Variants in LRRC49 observed in about 807,000 individuals in gnomAD.
LRRC49 encodes the protein leucine rich repeat containing 49.
LRRC49 carries 50 observed loss-of-function variants against 83.3 expected under a neutral mutation model. The ratio of observed to expected loss-of-function variants is 0.60; its 90% CI spans 0.48 to 0.76. The LOEUF (loss-of-function observed/expected upper bound fraction) is 0.76. LRRC49 is among the 30% of genes least tolerant of loss of function. The pLI, the probability that LRRC49 is intolerant of heterozygous loss-of-function variation, is 0.00. For synonymous variants in LRRC49, 286 were observed against 283.3 expected (o/e 1.01, Z -0.10); for missense variants, 704 against 809.1 (o/e 0.87, Z 1.58).
chr15:70,882,748 A>C (rs2033296951), intron 2 of LRRC49: 2 of 1,613,994 alleles, frequency 1.2e-6, no homozygotes, highest in South Asian at 2.2e-5. Flanking sequence ...TCCATTGAAG[A>C]GTCAAAACAT....
chr15:70,900,180 G>A (rs780982297), intron 3 of LRRC49: 49 of 218,040 alleles, frequency 2.2e-4, no homozygotes, highest in Non-Finnish European at 4.2e-4. Context: ...AATTTCATAT[G>A]TGTATTTATT....
chr15:70,891,257 G>A (rs2033552901), upstream of LRRC49, among the ~76,000 whole-genome samples: 1 of 152,290 alleles, frequency 6.6e-6, no homozygotes, highest in South Asian at 2.1e-4. Flanking sequence ...GCAGAAGAGA[G>A]CAAGATGGGG....
At chr15:71,034,577 A>G (rs1258338356) in intron 14 of LRRC49, among the ~76,000 whole-genome samples, 1 of 152,218 alleles carries the variant, frequency 6.6e-6, no homozygotes, top group African/African-American at 2.4e-5. Flanking sequence ...TAACATGTAC[A>G]TGTATGTTTA....
intron 7 of LRRC49, among the ~76,000 whole-genome samples, chr15:70,933,106 C>T (rs1196828603): frequency 1.3e-5 from 2 of 152,100 alleles, no homozygotes; most frequent in African/African-American, 2.4e-5. Flanking sequence ...TCTCAGAAAA[C>T]AAATCAGTAT....
chr15:71,021,440 T>A (rs1040902204), intron 14 of LRRC49, among the ~76,000 whole-genome samples: 1 of 152,108 alleles, frequency 6.6e-6, no homozygotes, highest in Non-Finnish European at 1.5e-5. Context: ...AAATAGAACA[T>A]GTGGATTAAA....
At chr15:70,933,168 A>T (rs1258842344) in intron 7 of LRRC49, among the ~76,000 whole-genome samples, 1 of 152,160 alleles carries the variant, frequency 6.6e-6, no homozygotes, top group East Asian at 1.9e-4. Context: ...TGTGGTAAAT[A>T]ATTTTTTCTA....
At chr15:70,868,587 T>C (rs538684541) in intron 1 of LRRC49, among the ~76,000 whole-genome samples, 31 of 152,374 alleles carry the variant, frequency 2.0e-4, no homozygotes, top group African/African-American at 6.7e-4. Context: ...GCTCCCATTC[T>C]CAGAGTTTCT....
chr15:71,008,447 T>G lies in LRRC49; in HGVS notation c.1238T>G (p.Val413Gly). ...LSVIDTYLVE[V>G]DGDTLSLYGS... ...GTCATAGACACATACCTTGTTGAAG[T>G]GGACGGGGATACACTTTCCCTATAT... Residue 413 changes from valine to glycine, a missense_variant, in exon 12 of 16, where the codon GTG (valine) becomes GGG (glycine). Physicochemically the swap from Val to Gly is moderately radical, Grantham distance 109 (BLOSUM62 -3). This residue lies in a region of LRRC49 where 275 missense variants were observed against 338.0 expected (regional missense o/e 0.81). Coordinates refer to ENST00000260382, the MANE Select transcript of LRRC49 (RefSeq NM_017691.5). 1 of 1,613,024 alleles carries G rather than the reference T, an allele frequency of 6.2e-7. No individual in the cohort carries two copies.
chr15:70,949,353 T>C (rs925964985), intron 8 of LRRC49, among the ~76,000 whole-genome samples: 1 of 152,230 alleles, frequency 6.6e-6, no homozygotes, highest in Non-Finnish European at 1.5e-5. Flanking sequence ...ATCATAGCCA[T>C]TATAACATCA....
intron 14 of LRRC49, among the ~76,000 whole-genome samples, chr15:71,023,557 G>A (rs572992819): frequency 3.9e-5 from 6 of 152,274 alleles, no homozygotes; most frequent in Admixed American, 3.3e-4. Context: ...AACCCATGGA[G>A]AGAGAGGAAA....
chr15:71,048,883 C>T (rs781631082), intron 15 of LRRC49: 5 of 455,092 alleles, frequency 1.1e-5, no homozygotes, highest in South Asian at 7.8e-5. Flanking sequence ...TTGTACACTT[C>T]CCCCCAACTT....
At chr15:71,019,071 A>G (rs2038914325) in intron 14 of LRRC49, among the ~76,000 whole-genome samples, 5 of 152,194 alleles carry the variant, frequency 3.3e-5, no homozygotes, top group African/African-American at 9.6e-5. Flanking sequence ...AGGAACCTCC[A>G]CATGTTCATC....
At position 70,893,433 on chromosome 15, in the gene LRRC49, C is replaced by G. The variant is rs555097271; in HGVS notation, c.49-151C>G. On this transcript the variant is annotated intron_variant, in intron 1 of 15. Coordinates refer to ENST00000260382, the MANE Select transcript of LRRC49 (RefSeq NM_017691.5). The stretch of plus-strand genomic sequence containing the variant: ...TTAGATGTGATTTTATTGTTTTCAG[C>G]AAATCCTCAGAACAAGATCATTTAC... 1.1e-5 allele frequency: 7 copies of G among 643,378 alleles called. No individual in the cohort carries two copies. The South Asian group carries it at 1.3e-4, about 12-fold the overall frequency. 39.9% of individuals were successfully genotyped at this position (643,378 alleles called of 1,614,324 possible). A position where few individuals can be genotyped will look rare whatever the true frequency, so the allele number is the denominator to read the frequency against.
intron 1 of LRRC49, among the ~76,000 whole-genome samples, chr15:70,862,037 C>T (rs1338262730): frequency 6.6e-6 from 1 of 152,188 alleles, no homozygotes; most frequent in Admixed American, 6.5e-5. Context: ...CTAAGAAACA[C>T]AGGCACAGGT....
At chr15:70,992,565 G>A (rs1161709323) in intron 11 of LRRC49, among the ~76,000 whole-genome samples, 1 of 152,206 alleles carries the variant, frequency 6.6e-6, no homozygotes, top group African/African-American at 2.4e-5. Context: ...GAGTTTGCTG[G>A]AGGTCCACTC....
intron 15 of LRRC49, among the ~76,000 whole-genome samples, chr15:71,042,224 A>C (rs1031212785): frequency 2.6e-5 from 4 of 152,206 alleles, no homozygotes; most frequent in Admixed American, 1.3e-4. Flanking sequence ...CCTGGGCTCA[A>C]GAAATCCTCC....
chr15:70,903,990 A>G (rs1208326419), intron 4 of LRRC49, among the ~76,000 whole-genome samples: 1 of 152,214 alleles, frequency 6.6e-6, no homozygotes, highest in Non-Finnish European at 1.5e-5. Context: ...ATGTTAAGTA[A>G]GGACCACTTT....
At chr15:70,896,524 C>T (rs959716388) in intron 3 of LRRC49, among the ~76,000 whole-genome samples, 4 of 152,084 alleles carry the variant, frequency 2.6e-5, no homozygotes, top group African/African-American at 9.7e-5. Flanking sequence ...GTTTGTGGGT[C>T]ATCCTTTGAC....
chr15:70,882,818 C>T, intron 2 of LRRC49: 3 of 1,614,070 alleles, frequency 1.9e-6, no homozygotes, highest in Non-Finnish European at 2.5e-6. Context: ...TGCACTGGGC[C>T]TTCTTCACAG....
Sources: allele counts gnomAD v4.1 joint callset (sites outside exome capture counted in the v4.1 genomes callset), GRCh38; gene constraint gnomAD v4.1.1; regional missense constraint gnomAD v4.1.1; transcripts MANE v1.5; gene names NCBI Gene and HGNC (gene_info 2026-07-23, HGNC 2026-07-21).